ANO3: variants seen among roughly 807,000 people sequenced by gnomAD.
ANO3 encodes anoctamin 3, also known as anoctamin-3.
ANO3 carries 99 observed loss-of-function variants against 144.8 expected under a neutral mutation model. The ratio of observed to expected loss-of-function variants is 0.68; its 90% CI spans 0.58 to 0.81. The LOEUF is 0.81. ANO3 is among the 30% of genes least tolerant of loss of function. ANO3 has a pLI of 0.00. For synonymous variants in ANO3, 414 were observed against 392.6 expected (o/e 1.05, Z -0.64); for missense variants, 905 against 1,202.2 (o/e 0.75, Z 3.66).
At chr11:26,657,994 G>T (rs966709758) in intron 26 of ANO3, among the ~76,000 whole-genome samples, 5 of 151,900 alleles carry the variant, frequency 3.3e-5, no homozygotes, top group East Asian at 1.9e-4. Context: ...GTCTATTTTT[G>T]ATTTTATTGC....
chr11:26,208,804 A>AT lies in ANO3; in HGVS notation c.154+19480dup, dbSNP rs1370060196. Among the ~76,000 whole-genome samples the AT allele has an allele frequency of 2.0e-5, 3 of 152,218 alleles. No individual in the cohort carries two copies. In the East Asian group the frequency reaches 5.8e-4, roughly 29 times the overall value. On this transcript the variant is annotated intron_variant, in intron 1 of 27. Transcript: ENST00000672621. The stretch of plus-strand genomic sequence containing the variant: ...CTTTTTAATGATGATTTTGATAAAT[A>AT]TTTTTTAAAGTTTTGTACTAACATT...
chr11:26,572,112 G>A (rs1394148373), intron 14 of ANO3: 2 of 985,146 alleles, frequency 2.0e-6, no homozygotes, highest in Non-Finnish European at 2.4e-6. Flanking sequence ...GGAATCTGTC[G>A]TGCATTAGAG....
chr11:26,195,232 G>A (rs1311471976), intron 1 of ANO3, among the ~76,000 whole-genome samples: 1 of 152,158 alleles, frequency 6.6e-6, no homozygotes, highest in African/African-American at 2.4e-5. Context: ...TCAGTAATTT[G>A]TCTTGAATTC....
intron 1 of ANO3, among the ~76,000 whole-genome samples, chr11:26,411,013 G>A (rs1857416633): frequency 1.3e-5 from 2 of 152,074 alleles, no homozygotes; most frequent in Admixed American, 6.6e-5. Flanking sequence ...AAATCTATTG[G>A]CTAAAATTTC....
chr11:26,221,136 C>G (rs893061708), intron 1 of ANO3, among the ~76,000 whole-genome samples: 2 of 152,190 alleles, frequency 1.3e-5, no homozygotes. Context: ...GAACACCTCT[C>G]CTTTTAGGTA....
Position 26,656,361 on chromosome 11 carries a change from T to G in ANO3, c.2658-15T>G. ...GATCTCTATTTGTCATTCTCTTTGT[T>G]TTTGTGGATTTCAGGTACAGAGACT... is the stretch of plus-strand genomic sequence containing the variant. On this transcript the variant is annotated splice_polypyrimidine_tract_variant and intron_variant, in intron 25 of 26. Transcript: ENST00000256737. 1 of 1,562,486 alleles carries G rather than the reference T, an allele frequency of 6.4e-7. No homozygotes were observed. Among genetic ancestry groups the G allele is most frequent in the Non-Finnish European group, 8.8e-7 (1 of 1,135,326 alleles).
chr11:26,434,414 A>T (rs755220687), intron 1 of ANO3, among the ~76,000 whole-genome samples: 17 of 151,864 alleles, frequency 1.1e-4, no homozygotes, highest in South Asian at 2.1e-4. Flanking sequence ...ATGATTTGTT[A>T]TCTCTCGTTC....
chr11:26,547,294 C>A, intron 11 of ANO3, 122 bp from the exon 12 acceptor site: 2 of 909,950 alleles, frequency 2.2e-6, no homozygotes, highest in Non-Finnish European at 3.4e-6. Flanking sequence ...TTAGATGGAG[C>A]TGAGGAGGAA....
intron 1 of ANO3, among the ~76,000 whole-genome samples, chr11:26,246,456 T>TTATATATA (rs150219099): frequency 0.018 from 2,535 of 139,908 alleles, 31 homozygotes; most frequent in African/African-American, 0.035. Flanking sequence ...AGTGTAGTCT[T>TTATATATA]TATATATATA....
chr11:26,553,678 T>C (rs897663865), intron 13 of ANO3, among the ~76,000 whole-genome samples: 2 of 152,156 alleles, frequency 1.3e-5, no homozygotes, highest in African/African-American at 2.4e-5. Flanking sequence ...TGAAAACTTA[T>C]GAAGTTAAAA....
chr11:26,534,623 TG>T (rs1299949254), intron 9 of ANO3, 61 bp downstream of exon 9: 46 of 1,225,546 alleles, frequency 3.8e-5, no homozygotes, highest in Admixed American at 2.6e-4. Context: ...CCAGAATTAT[TG>T]TTTTTTTTAA....
At chr11:26,544,683 C>T (rs934009213) in intron 11 of ANO3, among the ~76,000 whole-genome samples, 7 of 150,284 alleles carry the variant, frequency 4.7e-5, no homozygotes, top group African/African-American at 1.5e-4. Context: ...TATTTCAAAA[C>T]ATCACACATG....
At chr11:26,650,242 T>G (rs201729039) in intron 24 of ANO3, among the ~76,000 whole-genome samples, 1 of 137,956 alleles carries the variant, frequency 7.2e-6, no homozygotes, top group Non-Finnish European at 1.6e-5. Context: ...CGGAAGAAGA[T>G]GACAGTGGGA....
rs574940536 is a variant in ANO3, at chr11:26,469,223, T to G, written c.432+6075T>G. Among the ~76,000 whole-genome samples, 38 of 152,108 alleles carry G rather than the reference T, an allele frequency of 2.5e-4. No homozygotes were observed. The East Asian group carries it at 6.6e-3, about 26-fold the overall frequency. ...TAAATGGTGAAGACTTGTTCTACATTAGCTGATTGCTAGTGTAAATTTTCC... is the reference window on the plus strand; with the variant it reads ...TAAATGGTGAAGACTTGTTCTACATGAGCTGATTGCTAGTGTAAATTTTCC... On this transcript the variant is annotated intron_variant, in intron 4 of 26. Transcript: ENST00000256737.
At chr11:26,339,231 T>A (rs1855285644) in intron 1 of ANO3, among the ~76,000 whole-genome samples, 1 of 151,878 alleles carries the variant, frequency 6.6e-6, no homozygotes. Context: ...CTCGGCTCAC[T>A]GAAACCTCTG....
intron 3 of ANO3, among the ~76,000 whole-genome samples, chr11:26,455,031 T>C (rs1859098231): frequency 6.6e-6 from 1 of 151,182 alleles, no homozygotes; most frequent in African/African-American, 2.4e-5. Context: ...CAACACTTCA[T>C]GCTAAAAACT....
chr11:26,482,424 A>ATG (rs1370380037), intron 4 of ANO3, among the ~76,000 whole-genome samples: 5 of 109,720 alleles, frequency 4.6e-5, no homozygotes, highest in Non-Finnish European at 7.2e-5. Flanking sequence ...GAACACAGAT[A>ATG]TATGTGTGTG....
intron 1 of ANO3, among the ~76,000 whole-genome samples, chr11:26,284,379 T>A (rs11029472): frequency 0.26 from 40,175 of 152,032 alleles, 7,266 homozygotes; most frequent in African/African-American, 0.52. Context: ...AAGAGGATTC[T>A]AATTTGATTC....
intron 12 of ANO3, among the ~76,000 whole-genome samples, chr11:26,550,724 A>G (rs1357439260): frequency 6.6e-6 from 1 of 152,028 alleles, no homozygotes; most frequent in Non-Finnish European, 1.5e-5. Context: ...TAATTCTGAA[A>G]TAAATGTGGG....
Sources: gnomAD v4.1 joint callset for allele counts (sites outside exome capture counted in the v4.1 genomes callset) on GRCh38, gnomAD v4.1.1 for gene constraint, MANE v1.5 for transcripts, NCBI Gene and HGNC (gene_info 2026-07-23, HGNC 2026-07-21) for gene names.